Variants in ZSCAN25 observed in about 807,000 individuals in gnomAD.
ZSCAN25 encodes the protein zinc finger and SCAN domain containing 25.
ZSCAN25 carries 27 observed loss-of-function variants against 38.7 expected under a neutral mutation model. That is an observed-to-expected ratio of 0.70 (90% CI 0.51 to 0.96). The LOEUF is 0.96. ZSCAN25 is among the 40% of genes least tolerant of loss of function. The pLI, the probability that ZSCAN25 is intolerant of heterozygous loss-of-function variation, is 0.00. For synonymous variants in ZSCAN25, 273 were observed against 277.7 expected (o/e 0.98, Z 0.17); for missense variants, 637 against 705.9 (o/e 0.90, Z 1.11).
chr7:99,634,744 C>G (rs1284821248), downstream of ZSCAN25, among the ~76,000 whole-genome samples: 1 of 152,152 alleles, frequency 6.6e-6, no homozygotes. Context: ...TTGCAGTGAG[C>G]CGAGATCGCA....
At position 99,629,988 on chromosome 7, in the gene ZSCAN25, A is replaced by G. The variant is rs745417926; in HGVS notation, c.1603A>G (p.Thr535Ala). 1 of 1,588,342 alleles carries G rather than the reference A, an allele frequency of 6.3e-7. No individual in the cohort carries two copies. Among genetic ancestry groups the G allele is most frequent in the South Asian group, 1.1e-5 (1 of 88,070 alleles). ...QRSILNRHQK[T>A]QHRQEPLVQ Reference sequence around the variant, plus strand: ...GTCCATCCTCAACCGGCACCAGAAGACCCAGCACCGCCAGGAGCCGCTGGT... The same window carrying G: ...GTCCATCCTCAACCGGCACCAGAAGGCCCAGCACCGCCAGGAGCCGCTGGT... Residue 535 changes from threonine to alanine, a missense_variant, in exon 8 of 8, where the codon ACC (threonine) becomes GCC (alanine). Coordinates refer to ENST00000394152, the MANE Select transcript of ZSCAN25 (RefSeq NM_145115.3). This position sits in a 1 kb window ranked among gnomAD's most constrained non-coding sequence, Gnocchi z 5.6.
intron 7 of ZSCAN25, among the ~76,000 whole-genome samples, chr7:99,626,779 A>G (rs893246429): frequency 1.3e-5 from 2 of 152,180 alleles, no homozygotes; most frequent in East Asian, 1.9e-4. Flanking sequence ...TTCCTGCTCC[A>G]TGTGTGCAGT....
At chr7:99,701,841 A>G in the ZSCAN25 span, among the ~76,000 whole-genome samples, 1 of 152,012 alleles carries the variant, frequency 6.6e-6, no homozygotes, top group South Asian at 2.1e-4. Context: ...TATATTCTGG[A>G]TGTTAATCTG....
chr7:99,673,206 C>A, the ZSCAN25 span, among the ~76,000 whole-genome samples: 1 of 152,128 alleles, frequency 6.6e-6, no homozygotes, highest in Non-Finnish European at 1.5e-5. Flanking sequence ...ATGGGCCATG[C>A]CAGCTCCACA....
chr7:99,652,668 C>A, the ZSCAN25 span: 1 of 1,614,132 alleles, frequency 6.2e-7, no homozygotes, highest in African/African-American at 1.3e-5. Context: ...ATTTCAACAT[C>A]TTTCTTGCAA....
At chr7:99,636,656 T>G (rs1808297084), downstream of ZSCAN25, among the ~76,000 whole-genome samples, 1 of 152,264 alleles carries the variant, frequency 6.6e-6, no homozygotes, top group Non-Finnish European at 1.5e-5. Flanking sequence ...ATTTAATTCC[T>G]TGAGGATCAC....
chr7:99,707,722 A>T, the ZSCAN25 span: 15 of 1,570,584 alleles, frequency 9.6e-6, no homozygotes, highest in Non-Finnish European at 1.3e-5. Context: ...TTATTAAAAG[A>T]TTAAGTGAGT....
the ZSCAN25 span, among the ~76,000 whole-genome samples, chr7:99,718,690 CAG>C: frequency 6.6e-6 from 1 of 152,036 alleles, no homozygotes; most frequent in Non-Finnish European, 1.5e-5. Context: ...AAAAGGCATA[CAG>C]ATTGGAAAGG....
the ZSCAN25 span, among the ~76,000 whole-genome samples, chr7:99,683,272 A>T: frequency 6.6e-6 from 1 of 152,190 alleles, no homozygotes; most frequent in Non-Finnish European, 1.5e-5. Flanking sequence ...AAGTGTGCTC[A>T]TTGCTATTGA....
the ZSCAN25 span, chr7:99,722,431 A>C: frequency 1.2e-5 from 18 of 1,528,438 alleles, no homozygotes; most frequent in South Asian, 2.1e-4. Context: ...AAACAGTCAA[A>C]TCCAATGAAA....
chr7:99,702,049 T>A, the ZSCAN25 span, among the ~76,000 whole-genome samples: 1 of 152,106 alleles, frequency 6.6e-6, no homozygotes, highest in Non-Finnish European at 1.5e-5. Context: ...TTCCACAATG[T>A]TTCCTGTAGC....
chr7:99,665,939 T>C, the ZSCAN25 span, among the ~76,000 whole-genome samples: 1 of 152,100 alleles, frequency 6.6e-6, no homozygotes, highest in African/African-American at 2.4e-5. Context: ...AAAAAATAGA[T>C]CTCTCCAACA....
At chr7:99,677,131 C>G in the ZSCAN25 span, 1 of 973,722 alleles carries the variant, frequency 1.0e-6, no homozygotes, top group African/African-American at 1.8e-5. Context: ...TTCACTATGG[C>G]AGGCCTGCCT....
chr7:99,710,629 A>C, the ZSCAN25 span: 2 of 1,583,574 alleles, frequency 1.3e-6, no homozygotes, highest in Non-Finnish European at 1.7e-6. Flanking sequence ...GAATGAAACA[A>C]TCATGATTAT....
the ZSCAN25 span, among the ~76,000 whole-genome samples, chr7:99,646,797 TACACACACACACACAC>T: frequency 7.7e-5 from 11 of 142,170 alleles, no homozygotes; most frequent in East Asian, 4.1e-4. Flanking sequence ...ATATGTTTTA[TACACACACACACACAC>T]ACACACACAC....
chr7:99,633,813 C>G (rs1808154919), downstream of ZSCAN25, among the ~76,000 whole-genome samples: 1 of 152,190 alleles, frequency 6.6e-6, no homozygotes, highest in South Asian at 2.1e-4. Flanking sequence ...CACCTTTGAC[C>G]AGTGGAGGCC....
At chr7:99,632,989 G>GTTGTTGTTTTTTTTTTTTTTTTT (rs1554412109), downstream of ZSCAN25, among the ~76,000 whole-genome samples, 47 of 128,556 alleles carry the variant, frequency 3.7e-4, no homozygotes, top group African/African-American at 1.4e-3. Flanking sequence ...ATTTTCTGTT[G>GTTGTTGTTTTTTTTTTTTTTTTT]TTTTTTTTTT....
chr7:99,635,263 C>T (rs17131918), downstream of ZSCAN25, among the ~76,000 whole-genome samples: 1,233 of 151,774 alleles, frequency 8.1e-3, 23 homozygotes, highest in African/African-American at 0.028. Flanking sequence ...TAGTTTGGGG[C>T]GATCATAGTC....
the ZSCAN25 span, chr7:99,649,958 A>C: frequency 2.3e-6 from 3 of 1,292,676 alleles, 1 homozygote; most frequent in Non-Finnish European, 3.2e-6. Flanking sequence ...GGATCCAAGT[A>C]GGTTCTTTGG....
Sources: gnomAD v4.1 joint callset for allele counts (sites outside exome capture counted in the v4.1 genomes callset) on GRCh38, gnomAD v4.1.1 for gene constraint, Gnocchi (gnomAD v3.1) non-coding constraint, MANE v1.5 for transcripts, NCBI Gene and HGNC (gene_info 2026-07-23, HGNC 2026-07-21) for gene names.